HECW2: variants seen among roughly 807,000 people sequenced by gnomAD.
HECW2 encodes E3 ubiquitin-protein ligase HECW2.
In HECW2, 61 loss-of-function variants were observed where a neutral mutation model predicts 175.2. The ratio of observed to expected loss-of-function variants is 0.35; its 90% confidence interval spans 0.28 to 0.43. The LOEUF (loss-of-function observed/expected upper bound fraction) is 0.43. Ranked by LOEUF, HECW2 falls within the 20% of genes least tolerant of loss-of-function variation. The pLI is 1.00. For synonymous variants in HECW2, 671 were observed against 731.0 expected (o/e 0.92, Z 1.32); for missense variants, 1,524 against 2,000.5 (o/e 0.76, Z 4.54).
intron 1 of HECW2, among the ~76,000 whole-genome samples, chr2:196,587,844 C>A (rs1691041705): frequency 6.6e-6 from 1 of 152,154 alleles, no homozygotes; most frequent in Non-Finnish European, 1.5e-5. Flanking sequence ...GCCCTACAGG[C>A]TTTGCAACAC....
intron 1 of HECW2, among the ~76,000 whole-genome samples, chr2:196,588,279 A>G (rs1008517061): frequency 6.6e-6 from 1 of 152,228 alleles, no homozygotes; most frequent in Non-Finnish European, 1.5e-5. Context: ...TAACCCGCAG[A>G]TGGAGCTCAA....
At chr2:196,341,308 G>GATTTTGCCAAAATCACTCCAAAGGAAGTT in intron 3 of HECW2, among the ~76,000 whole-genome samples, 1 of 152,124 alleles carries the variant, frequency 6.6e-6, no homozygotes, top group African/African-American at 2.4e-5. Flanking sequence ...CAAAGGAAGT[G>GATTTTGCCAAAATCACTCCAAAGGAAGTT]ATTTTACCTT....
At chr2:196,262,196 T>C (rs548841456) in intron 17 of HECW2, among the ~76,000 whole-genome samples, 1 of 152,178 alleles carries the variant, frequency 6.6e-6, no homozygotes, top group South Asian at 2.1e-4. Context: ...CAGCTAATTT[T>C]TAAACATTTT....
At chr2:196,527,677 A>G (rs1369468707) in intron 1 of HECW2, among the ~76,000 whole-genome samples, 1 of 152,264 alleles carries the variant, frequency 6.6e-6, no homozygotes, top group Non-Finnish European at 1.5e-5. Flanking sequence ...AAAAATATAC[A>G]AAACAGAATA....
chr2:196,294,356 C>T (rs1039084114), intron 13 of HECW2, among the ~76,000 whole-genome samples: 1 of 152,178 alleles, frequency 6.6e-6, no homozygotes, highest in African/African-American at 2.4e-5. Context: ...CATCCTGGAA[C>T]TCTATTCTTC....
At chr2:196,260,967 AC>A (rs1343506154) in intron 17 of HECW2, among the ~76,000 whole-genome samples, 2 of 152,318 alleles carry the variant, frequency 1.3e-5, no homozygotes, top group East Asian at 3.9e-4. Flanking sequence ...GACATTTATG[AC>A]TGAATCTTGC....
At chr2:196,281,307 A>G (rs1690174143) in intron 14 of HECW2, among the ~76,000 whole-genome samples, 1 of 152,144 alleles carries the variant, frequency 6.6e-6, no homozygotes, top group Non-Finnish European at 1.5e-5. Context: ...CCAAAATACA[A>G]GGAGACAACT....
chr2:196,303,121 GA>G (rs1691129098), intron 13 of HECW2, among the ~76,000 whole-genome samples: 1 of 152,178 alleles, frequency 6.6e-6, no homozygotes, highest in Non-Finnish European at 1.5e-5. Context: ...TTTTTAACAT[GA>G]AGCGATGTTG....
chr2:196,494,041 C>T (rs1244421472), intron 1 of HECW2, among the ~76,000 whole-genome samples: 1 of 152,180 alleles, frequency 6.6e-6, no homozygotes. Context: ...GTCTCACAGA[C>T]GTCATGGCTT....
intron 10 of HECW2, among the ~76,000 whole-genome samples, chr2:196,312,565 CG>C (rs1305605555): frequency 6.6e-6 from 1 of 152,098 alleles, no homozygotes; most frequent in Non-Finnish European, 1.5e-5. Context: ...GGAATCAGGA[CG>C]GTAGGTCCAT....
intron 2 of HECW2, among the ~76,000 whole-genome samples, chr2:196,372,053 G>A (rs1269376196): frequency 2.6e-5 from 4 of 152,060 alleles, no homozygotes; most frequent in Non-Finnish European, 5.9e-5. Context: ...ATTCAGTGAC[G>A]AATGCTATCA....
At chr2:196,543,315 TA>T (rs879323125) in intron 1 of HECW2, among the ~76,000 whole-genome samples, 2,035 of 143,252 alleles carry the variant, frequency 0.014, 42 homozygotes, top group African/African-American at 0.046. Context: ...TTGTTTTTGG[TA>T]AAAAAAAAAA....
intron 20 of HECW2, among the ~76,000 whole-genome samples, chr2:196,240,839 GA>G (rs3841588): frequency 6.6e-6 from 1 of 151,462 alleles, no homozygotes; most frequent in Non-Finnish European, 1.5e-5. Context: ...GTTTATCCCA[GA>G]AAAAAAATGA....
chr2:196,525,812 C>G (rs1688619773), intron 1 of HECW2, among the ~76,000 whole-genome samples: 1 of 102,604 alleles, frequency 9.7e-6, no homozygotes, highest in Non-Finnish European at 1.9e-5. Flanking sequence ...GGCCCCCACT[C>G]TCTTCTGGCT....
Position 196,319,074 on chromosome 2 carries a change from C to G in HECW2, c.1816G>C (p.Glu606Gln), listed in dbSNP as rs774909523. ...GTTTCAGAGGACACCTGGGAAGGCT[C>G]AGAGCCCTGATCGAGAGACTCGGTC... ...SETESLDQGS[E>Q]PSQVSSETEP... The change falls in exon 9 of 29, where the codon GAG becomes CAG. Residue 606 changes from glutamate to glutamine, a missense_variant. Physicochemically the swap from Glu to Gln is conservative, Grantham distance 29 (BLOSUM62 2). Around this residue, in one of 11 missense-constraint regions of HECW2, gnomAD observed 604 missense variants for 588.3 expected, o/e 1.03. Coordinates refer to ENST00000644978, the MANE Select transcript of HECW2 (RefSeq NM_001348768.2). 17 of 1,609,704 alleles carry G rather than the reference C, an allele frequency of 1.1e-5. No homozygotes were observed. Among genetic ancestry groups the G allele is most frequent in the Non-Finnish European group, 1.4e-5 (16 of 1,178,070 alleles).
rs187001193 is a variant in HECW2, at chr2:196,207,281, G to C, written c.4608-5893C>G. ...TGATGAATTCAAGGGCGTGAAATCA[G>C]CATGAGAAATCCAAAGTTACCAATT... On this transcript the variant is annotated intron_variant, in intron 28 of 28. Transcript: ENST00000644978. Among the ~76,000 whole-genome samples, 445 of 152,328 alleles carry C rather than the reference G, an allele frequency of 2.9e-3. 1 individual carries two copies. Among genetic ancestry groups the C allele is most frequent in the South Asian group, 5.6e-3 (27 of 4,828 alleles).
At chr2:196,295,455 T>G (rs1467949018) in intron 13 of HECW2, among the ~76,000 whole-genome samples, 2 of 152,338 alleles carry the variant, frequency 1.3e-5, no homozygotes, top group Non-Finnish European at 2.9e-5. Flanking sequence ...GAGACCACAC[T>G]AGTTTGTGTA....
chr2:196,573,817 T>C (rs983530068), intron 1 of HECW2, among the ~76,000 whole-genome samples: 3 of 152,036 alleles, frequency 2.0e-5, no homozygotes, highest in African/African-American at 7.2e-5. Context: ...GATCTCTGTT[T>C]GCAGGTAACA....
chr2:196,220,756 A>G (rs1258049141), intron 25 of HECW2, 39 bp downstream of exon 25: 2 of 1,605,264 alleles, frequency 1.2e-6, no homozygotes, highest in African/African-American at 1.3e-5. Context: ...CATCATTGAT[A>G]TCAGACTGCA....
Sources: gnomAD v4.1 joint callset for allele counts (sites outside exome capture counted in the v4.1 genomes callset) on GRCh38, gnomAD v4.1.1 for gene constraint, gnomAD v4.1.1 regional missense constraint, MANE v1.5 for transcripts, NCBI Gene and HGNC (gene_info 2026-07-23, HGNC 2026-07-21) for gene names.